The following ABLIM2 variants were observed in gnomAD, a reference collection of about 807,000 sequenced individuals.
ABLIM2 encodes the protein actin-binding LIM protein 2.
Under a neutral mutation model 97.7 loss-of-function variants are expected in ABLIM2, and 53 were observed. That is an observed-to-expected ratio of 0.54 (90% confidence interval 0.44 to 0.68). The LOEUF is 0.68. Among genes scored for constraint, ABLIM2 ranks in the 30% least tolerant of loss-of-function variants. The pLI is 0.00. For synonymous variants in ABLIM2, 361 were observed against 345.8 expected, an observed-to-expected ratio of 1.04 and a Z score of -0.49; for missense variants, 835 against 867.2, an observed-to-expected ratio of 0.96 and a Z score of 0.47.
intron 1 of ABLIM2, among the ~76,000 whole-genome samples, chr4:8,151,128 CACA>C (rs977743650): frequency 5.3e-5 from 8 of 152,206 alleles, no homozygotes; most frequent in African/African-American, 1.9e-4. Context: ...TGGAGAAACA[CACA>C]ACTAGCAAGT....
rs546872202 is a variant in ABLIM2, at chr4:8,071,215, G to A, written c.675+6413C>T. On this transcript the variant is annotated intron_variant, in intron 6 of 20. Coordinates refer to ENST00000447017, the MANE Select transcript of ABLIM2 (RefSeq NM_001130083.2). The surrounding 1 kb of genome is among the most constrained non-coding windows in gnomAD (Gnocchi z 6.2). ...GGCTCTGCCACAGTTGCTGCCAGGC[G>A]CCACCCACCTCTGCTGCCCCAGCCC... Among the ~76,000 whole-genome samples the A allele has an allele frequency of 4.5e-4, 69 of 152,224 alleles. No individual in the cohort carries two copies. Among genetic ancestry groups the A allele is most frequent in the African/African-American group, 1.6e-3 (65 of 41,530 alleles).
chr4:8,142,727 T>G (rs1466027131), intron 1 of ABLIM2, among the ~76,000 whole-genome samples: 1 of 152,166 alleles, frequency 6.6e-6, no homozygotes, highest in Non-Finnish European at 1.5e-5. Flanking sequence ...TTGATGGCCC[T>G]CACTCTTCCC....
chr4:8,107,217 T>C (rs2152757384), intron 1 of ABLIM2, among the ~76,000 whole-genome samples: 1 of 152,334 alleles, frequency 6.6e-6, no homozygotes, highest in African/African-American at 2.4e-5. Context: ...GTACAGGACA[T>C]TTAAGGAGTG....
chr4:8,057,175 T>C lies in ABLIM2; in HGVS notation c.764-2929A>G, dbSNP rs559842664. On this transcript the variant is annotated intron_variant, in intron 7 of 20. Coordinates refer to ENST00000447017, the MANE Select transcript of ABLIM2 (RefSeq NM_001130083.2). Reference sequence around the variant, plus strand: ...GTGCAGTTATGCAATCTCAGCTCACTGCAACCTCTGCCTCCCAGGTTCAAG... The same window carrying C: ...GTGCAGTTATGCAATCTCAGCTCACCGCAACCTCTGCCTCCCAGGTTCAAG... Among the ~76,000 whole-genome samples, 20 of 150,290 alleles carry C rather than the reference T, an allele frequency of 1.3e-4. No homozygotes were observed. In the South Asian group the frequency reaches 4.3e-3, roughly 32 times the overall value.
chr4:8,130,528 C>G lies in ABLIM2; in HGVS notation c.11-23891G>C, dbSNP rs908594033. Among the ~76,000 whole-genome samples, 1 of 152,016 alleles carries G rather than the reference C, an allele frequency of 6.6e-6. No individual in the cohort carries two copies. The highest frequency in any genetic ancestry group is 1.5e-5 in the Non-Finnish European group (1 of 68,000). On this transcript the variant is annotated intron_variant, in intron 1 of 20. Transcript: ENST00000447017. This position sits in a 1 kb window ranked among gnomAD's most constrained non-coding sequence, Gnocchi z 4.2. ...GAATATCAAGTTGTCTAAGCTTCCC[C>G]GAGACACTGTGAGGTGGCGCCACGC...
intron 11 of ABLIM2, among the ~76,000 whole-genome samples, chr4:8,028,209 A>C (rs1579072255): frequency 6.6e-6 from 1 of 152,134 alleles, no homozygotes; most frequent in Admixed American, 6.5e-5. Context: ...CTGCCACCAG[A>C]CATCGTCACC....
rs1824549623 is a variant in ABLIM2 at position 8,087,613 on chromosome 4, T to C, written c.454+556A>G. Reference sequence around the variant, plus strand: ...GAGTGAATGCCAGAGGGAGAGGACCTGAAGGAGACCTGGAAGGCTTCCTGG... The same window carrying C: ...GAGTGAATGCCAGAGGGAGAGGACCCGAAGGAGACCTGGAAGGCTTCCTGG... On this transcript the variant is annotated intron_variant, in intron 4 of 20. Transcript: ENST00000447017. This position sits in a 1 kb window ranked among gnomAD's most constrained non-coding sequence, Gnocchi z 4.6. Among the ~76,000 whole-genome samples, 1 of 152,098 alleles carries C rather than the reference T, an allele frequency of 6.6e-6. No individual in the cohort carries two copies. Among genetic ancestry groups the C allele is most frequent in the Non-Finnish European group, 1.5e-5 (1 of 68,026 alleles).
chr4:7,984,975 C>A, intron 17 of ABLIM2, 82 bp from the exon 18 acceptor site: 9 of 1,456,336 alleles, frequency 6.2e-6, no homozygotes, highest in Middle Eastern at 3.6e-4. Flanking sequence ...AGATGTGGCC[C>A]CTTGGAGGCC....
chr4:8,079,700 C>T (rs865866465), intron 5 of ABLIM2, among the ~76,000 whole-genome samples: 6 of 152,150 alleles, frequency 3.9e-5, no homozygotes, highest in African/African-American at 1.4e-4. Flanking sequence ...CGGGCACATC[C>T]ACCGACGTGA....
At chr4:8,119,447 C>T (rs1389984314) in intron 1 of ABLIM2, among the ~76,000 whole-genome samples, 1 of 150,994 alleles carries the variant, frequency 6.6e-6, no homozygotes, top group Non-Finnish European at 1.5e-5. Context: ...CCTCCCTTAG[C>T]CTCCTGAGTA....
chr4:8,076,742 G>C (rs115531435), intron 6 of ABLIM2, among the ~76,000 whole-genome samples: 1 of 147,330 alleles, frequency 6.8e-6, no homozygotes, highest in East Asian at 2.0e-4. Context: ...GGGTTGGGGG[G>C]GGTCTGTGAA....
At chr4:8,086,570 C>T (rs914661372) in intron 4 of ABLIM2, among the ~76,000 whole-genome samples, 2 of 152,086 alleles carry the variant, frequency 1.3e-5, no homozygotes, top group East Asian at 1.9e-4. Context: ...GTCTCGGACT[C>T]CTGGCCTCAG....
intron 1 of ABLIM2, among the ~76,000 whole-genome samples, chr4:8,143,161 G>GA (rs1476052001): frequency 3.6e-5 from 5 of 139,804 alleles, no homozygotes; most frequent in Admixed American, 1.4e-4. Context: ...GGCGAGAGTG[G>GA]GGGGGGGGGG....
chr4:8,039,635 G>C (rs555794029), intron 9 of ABLIM2, among the ~76,000 whole-genome samples: 1 of 152,286 alleles, frequency 6.6e-6, no homozygotes, highest in African/African-American at 2.4e-5. Flanking sequence ...ACTTACAACA[G>C]TATCATTACC....
intron 8 of ABLIM2, among the ~76,000 whole-genome samples, chr4:8,052,647 C>A (rs1796779002): frequency 6.6e-6 from 1 of 152,212 alleles, no homozygotes; most frequent in African/African-American, 2.4e-5. Flanking sequence ...CCCGTGCAGG[C>A]CTCCAGCCCT....
At position 8,127,246 on chromosome 4, in the gene ABLIM2, G is replaced by A. The variant is rs922187719; in HGVS notation, c.11-20609C>T. Among the ~76,000 whole-genome samples the A allele has an allele frequency of 2.0e-5, 3 of 152,286 alleles. No homozygotes were observed. Among genetic ancestry groups the A allele is most frequent in the African/African-American group, 7.2e-5 (3 of 41,568 alleles). Reference sequence around the variant, plus strand: ...CAGACGCAGCTCCGATACCAGCACCGTGTGAGGTTGGATCAGACTCTTCCC... The same window carrying A: ...CAGACGCAGCTCCGATACCAGCACCATGTGAGGTTGGATCAGACTCTTCCC... On this transcript the variant is annotated intron_variant, in intron 1 of 20. Coordinates refer to ENST00000447017, the MANE Select transcript of ABLIM2 (RefSeq NM_001130083.2). The surrounding 1 kb of genome is among the most constrained non-coding windows in gnomAD (Gnocchi z 7.3).
At chr4:8,090,347 C>T (rs1223125564) in intron 3 of ABLIM2, among the ~76,000 whole-genome samples, 1 of 152,236 alleles carries the variant, frequency 6.6e-6, no homozygotes, top group African/African-American at 2.4e-5. Context: ...ACACTTCCCA[C>T]CTATAAAGTA....
At chr4:8,094,683 T>A (rs1830500983) in intron 3 of ABLIM2, among the ~76,000 whole-genome samples, 1 of 152,250 alleles carries the variant, frequency 6.6e-6, no homozygotes, top group Admixed American at 6.5e-5. Flanking sequence ...TGTATTTCAT[T>A]TCTGCCTTTT....
chr4:8,092,549 T>C (rs761046400), intron 3 of ABLIM2, among the ~76,000 whole-genome samples: 26 of 152,278 alleles, frequency 1.7e-4, no homozygotes, highest in Middle Eastern at 6.8e-3. Flanking sequence ...TCTTTTCACA[T>C]GTAAAACATA....
Sources: gnomAD v4.1 joint callset for allele counts (sites outside exome capture counted in the v4.1 genomes callset) on GRCh38, gnomAD v4.1.1 for gene constraint, Gnocchi (gnomAD v3.1) non-coding constraint, MANE v1.5 for transcripts, NCBI Gene and HGNC (gene_info 2026-07-23, HGNC 2026-07-21) for gene names.